Variants in PLCB1 observed in about 807,000 individuals in gnomAD.
PLCB1 encodes the protein 1-phosphatidylinositol 4,5-bisphosphate phosphodiesterase beta-1.
In PLCB1, 46 loss-of-function variants were observed where a neutral mutation model predicts 161.8. The observed-to-expected ratio is 0.28, with a 90% confidence interval of 0.22 to 0.36. PLCB1 has a LOEUF of 0.36. PLCB1 is among the 10% of genes least tolerant of loss of function. The pLI, the probability that PLCB1 is intolerant of heterozygous loss-of-function variation, is 1.00. For missense variants in PLCB1, 1,016 were observed against 1,472.5 expected, an observed-to-expected ratio of 0.69 and a Z score of 5.07; for synonymous variants, 517 against 503.7, an observed-to-expected ratio of 1.03 and a Z score of -0.35.
chr20:8,733,710 A>G (rs1239013092), intron 19 of PLCB1, among the ~76,000 whole-genome samples: 1 of 150,998 alleles, frequency 6.6e-6, no homozygotes, highest in East Asian at 2.0e-4. Context: ...TAATGGGTGC[A>G]GCACACCAGC....
chr20:8,535,105 T>TAAA (rs10560220), intron 3 of PLCB1, among the ~76,000 whole-genome samples: 1 of 108,318 alleles, frequency 9.2e-6, no homozygotes, highest in African/African-American at 3.4e-5. Flanking sequence ...AGTTTTAAAG[T>TAAA]AAAAAAAAAA....
At chr20:8,863,986 ATCTTT>A (rs1384714573) in intron 31 of PLCB1, among the ~76,000 whole-genome samples, 2 of 152,232 alleles carry the variant, frequency 1.3e-5, no homozygotes, top group African/African-American at 4.8e-5. Context: ...GCACATGATT[ATCTTT>A]TCTTATTCAT....
chr20:8,794,791 TAAAC>T (rs145110174), intron 31 of PLCB1, among the ~76,000 whole-genome samples: 12,175 of 152,224 alleles, frequency 0.08, 563 homozygotes, highest in South Asian at 0.18. Context: ...CATTGGTAAA[TAAAC>T]AACTCCTTTG....
chr20:8,787,281 C>T (rs1480351111), intron 27 of PLCB1, among the ~76,000 whole-genome samples: 1 of 152,224 alleles, frequency 6.6e-6, no homozygotes, highest in Non-Finnish European at 1.5e-5. Context: ...AGTGGCCAGG[C>T]TCCTCCCTGC....
chr20:8,872,290 G>A (rs903389054), intron 31 of PLCB1, among the ~76,000 whole-genome samples: 1 of 152,170 alleles, frequency 6.6e-6, no homozygotes, highest in African/African-American at 2.4e-5. Flanking sequence ...CATTGTGAAT[G>A]GCCTGTATTC....
intron 2 of PLCB1, among the ~76,000 whole-genome samples, chr20:8,300,143 G>A (rs1246591206): frequency 6.6e-6 from 1 of 152,126 alleles, no homozygotes; most frequent in Non-Finnish European, 1.5e-5. Flanking sequence ...ACTCAGTTCT[G>A]CTCCATGTGT....
At chr20:8,485,795 C>T (rs1167566872) in intron 3 of PLCB1, among the ~76,000 whole-genome samples, 2 of 152,200 alleles carry the variant, frequency 1.3e-5, no homozygotes. Context: ...TAAAAATCTA[C>T]ATGCTTGGAC....
chr20:8,587,938 T>C (rs1055363222), intron 3 of PLCB1, among the ~76,000 whole-genome samples: 2 of 152,136 alleles, frequency 1.3e-5, no homozygotes, highest in Admixed American at 6.6e-5. Flanking sequence ...ATTTTGAAAT[T>C]GTAAGATTTC....
intron 3 of PLCB1, among the ~76,000 whole-genome samples, chr20:8,589,611 T>C (rs1158932275): frequency 6.5e-5 from 2 of 31,002 alleles, no homozygotes; most frequent in Non-Finnish European, 1.7e-4. Context: ...AATCTCTCTC[T>C]TTTTTTTTTT....
chr20:8,393,145 T>C (rs990734541), intron 3 of PLCB1, among the ~76,000 whole-genome samples: 12 of 152,142 alleles, frequency 7.9e-5, no homozygotes, highest in African/African-American at 2.9e-4. Flanking sequence ...CTATGCCACC[T>C]GGTACTTCTG....
chr20:8,596,832 G>A (rs1987367025), intron 3 of PLCB1, among the ~76,000 whole-genome samples: 1 of 148,104 alleles, frequency 6.8e-6, no homozygotes, highest in Admixed American at 6.7e-5. Context: ...CTTGTAAGTT[G>A]GATTCCTAGG....
At chr20:8,872,304 T>C (rs957316417) in intron 31 of PLCB1, among the ~76,000 whole-genome samples, 3 of 152,242 alleles carry the variant, frequency 2.0e-5, no homozygotes, top group African/African-American at 7.2e-5. Context: ...TGTATTCTTC[T>C]ACATTGGCAT....
chr20:8,651,464 C>A (rs1442767304), intron 7 of PLCB1: 1 of 727,400 alleles, frequency 1.4e-6, no homozygotes, highest in African/African-American at 1.7e-5. Flanking sequence ...TGGAAAGGCT[C>A]CCCCAAAACA....
intron 31 of PLCB1, among the ~76,000 whole-genome samples, chr20:8,880,271 T>A (rs1987925716): frequency 6.6e-6 from 1 of 152,146 alleles, no homozygotes; most frequent in South Asian, 2.1e-4. Context: ...TCTCTTGGAC[T>A]CAGCACAGCA....
At chr20:8,809,675 A>G (rs1984716819) in intron 31 of PLCB1, among the ~76,000 whole-genome samples, 1 of 151,988 alleles carries the variant, frequency 6.6e-6, no homozygotes, top group Admixed American at 6.6e-5. Context: ...CCATGGTTGA[A>G]ACATTATTAC....
intron 2 of PLCB1, among the ~76,000 whole-genome samples, chr20:8,356,484 G>A (rs1211843017): frequency 6.6e-6 from 1 of 152,100 alleles, no homozygotes; most frequent in Non-Finnish European, 1.5e-5. Flanking sequence ...TCTATAAAAT[G>A]ATGCTGAAGA....
chr20:8,323,682 C>T (rs1308460148), intron 2 of PLCB1, among the ~76,000 whole-genome samples: 1 of 152,144 alleles, frequency 6.6e-6, no homozygotes, highest in East Asian at 1.9e-4. Flanking sequence ...AAGCAAGTCA[C>T]TAAAGCAGCC....
chr20:8,297,354 G>A (rs903883218), intron 2 of PLCB1, among the ~76,000 whole-genome samples: 5 of 151,864 alleles, frequency 3.3e-5, no homozygotes, highest in Non-Finnish European at 7.4e-5. Context: ...CCCCATTTCT[G>A]TAGAAAAAAT....
chr20:8,228,028 G>T (rs1461496043), intron 2 of PLCB1, among the ~76,000 whole-genome samples: 2 of 152,036 alleles, frequency 1.3e-5, no homozygotes, highest in Non-Finnish European at 2.9e-5. Context: ...GACTTAAAAA[G>T]TGTGAAAAAT....
Sources: allele counts gnomAD v4.1 joint callset (sites outside exome capture counted in the v4.1 genomes callset), GRCh38; gene constraint gnomAD v4.1.1; transcripts MANE v1.5; gene names NCBI Gene and HGNC (gene_info 2026-07-23, HGNC 2026-07-21).